The following TLR6 variants were observed in gnomAD, a reference collection of about 807,000 sequenced individuals.
The protein encoded by TLR6 is toll-like receptor 6.
TLR6 carries 9 observed loss-of-function variants against 16.1 expected under a neutral mutation model. That is an observed-to-expected ratio of 0.56 (90% CI 0.34 to 0.98). The LOEUF (loss-of-function observed/expected upper bound fraction) is 0.98, where lower values mean the gene tolerates loss of function less well. Ranked by LOEUF, TLR6 falls within the 50% of genes least tolerant of loss-of-function variation. The probability of loss-of-function intolerance (pLI) is 0.02; values close to 1 mark genes in which losing one functional copy is unlikely to be tolerated. For missense variants in TLR6, 786 were observed against 921.0 expected, an observed-to-expected ratio of 0.85 and a Z score of 1.90; for synonymous variants, 340 against 338.6, an observed-to-expected ratio of 1.00 and a Z score of -0.04.
At chr4:38,827,590 G>A (rs1316037835) in exon 2 of TLR6, 2 of 1,614,050 alleles carry the variant, frequency 1.2e-6, no homozygotes, top group Non-Finnish European at 1.7e-6. Context: ...GTATGTTCCT[G>A]GCCCTGCGCC....
chr4:38,834,894 T>C (rs978497840), intron 1 of TLR6, among the ~76,000 whole-genome samples: 1 of 151,974 alleles, frequency 6.6e-6, no homozygotes, highest in Non-Finnish European at 1.5e-5. Flanking sequence ...CTTAAGAGAG[T>C]AGAACGTCTG....
intron 1 of TLR6, among the ~76,000 whole-genome samples, chr4:38,852,451 G>A (rs1208404309): frequency 1.3e-5 from 2 of 152,130 alleles, no homozygotes; most frequent in East Asian, 3.8e-4. Context: ...GCAACCTACA[G>A]AATGGGAGAA....
upstream of TLR6, among the ~76,000 whole-genome samples, chr4:38,858,835 G>A (rs1713116452): frequency 9.8e-5 from 3 of 30,476 alleles, no homozygotes; most frequent in African/African-American, 2.5e-4. Context: ...GAGAGAGGAA[G>A]AAAGAAAGAA....
chr4:38,848,489 G>A (rs1304448075), intron 1 of TLR6, among the ~76,000 whole-genome samples: 3 of 152,232 alleles, frequency 2.0e-5, no homozygotes, highest in Non-Finnish European at 4.4e-5. Context: ...TCCAACTAAA[G>A]GAGGAAGTTC....
intron 1 of TLR6, among the ~76,000 whole-genome samples, chr4:38,852,009 A>T (rs1712792059): frequency 6.6e-6 from 1 of 152,216 alleles, no homozygotes; most frequent in Admixed American, 6.5e-5. Context: ...CCAAAACAGC[A>T]TGGTACTGGT....
chr4:38,834,873 T>C (rs923531151), intron 1 of TLR6, among the ~76,000 whole-genome samples: 2 of 152,206 alleles, frequency 1.3e-5, no homozygotes, highest in Non-Finnish European at 2.9e-5. Flanking sequence ...AGACGAGCCC[T>C]ACAAGAAATG....
chr4:38,835,854 A>G (rs1287967049), intron 1 of TLR6, among the ~76,000 whole-genome samples: 1 of 152,228 alleles, frequency 6.6e-6, no homozygotes, highest in African/African-American at 2.4e-5. Context: ...GAAATTAAAC[A>G]ACATGCTCCT....
chr4:38,855,835 T>C (rs762664235), intron 1 of TLR6, among the ~76,000 whole-genome samples: 3 of 150,298 alleles, frequency 2.0e-5, no homozygotes, highest in Non-Finnish European at 4.4e-5. Context: ...GAGTGGAAGA[T>C]TAGAGAGTTC....
At chr4:38,843,720 A>G (rs1712389559) in intron 1 of TLR6, 1 of 152,232 alleles carries the variant, frequency 6.6e-6, no homozygotes, top group East Asian at 1.9e-4. Context: ...TCACTGATCC[A>G]TATAACTTCT....
intron 1 of TLR6, among the ~76,000 whole-genome samples, chr4:38,833,944 A>G (rs2109425705): frequency 6.6e-6 from 1 of 152,146 alleles, no homozygotes; most frequent in African/African-American, 2.4e-5. Context: ...ACAATAGACT[A>G]GGCCAGGTGC....
intron 1 of TLR6, among the ~76,000 whole-genome samples, chr4:38,840,095 G>A (rs963798365): frequency 2.0e-4 from 31 of 152,180 alleles, no homozygotes; most frequent in African/African-American, 7.5e-4. Flanking sequence ...ATTTCAAGGT[G>A]TTACCAATAA....
intron 1 of TLR6, among the ~76,000 whole-genome samples, chr4:38,840,448 A>G (rs1434421457): frequency 3.9e-5 from 6 of 151,990 alleles, no homozygotes; most frequent in South Asian, 2.1e-4. Context: ...CCTGGCCAAT[A>G]TGGTGAAACC....
exon 2 of TLR6, chr4:38,828,458 G>A (rs1048256230): frequency 6.2e-7 from 1 of 1,614,174 alleles, no homozygotes; most frequent in African/African-American, 1.3e-5. Context: ...AGGTGTATCT[G>A]AAATGGTTAA....
intron 1 of TLR6, among the ~76,000 whole-genome samples, chr4:38,833,062 G>T (rs1711704370): frequency 6.6e-6 from 1 of 152,106 alleles, no homozygotes; most frequent in Admixed American, 6.5e-5. Context: ...TGCCACACGG[G>T]GTCCTGAGGA....
chr4:38,839,947 G>T (rs1229534009), intron 1 of TLR6, among the ~76,000 whole-genome samples: 1 of 152,192 alleles, frequency 6.6e-6, no homozygotes, highest in Admixed American at 6.5e-5. Flanking sequence ...AATCCCGAAA[G>T]ACACAATCCT....
rs751855039 is a variant in TLR6 at position 38,828,657 on chromosome 4, G to C, written c.817C>G (p.Leu273Val). 5 of 1,614,034 alleles carry C rather than the reference G, an allele frequency of 3.1e-6. No individual in the cohort carries two copies. Among genetic ancestry groups the C allele is most frequent in the African/African-American group, 1.3e-5 (1 of 74,944 alleles). Residue 273 changes from leucine (L) to valine (V), a missense_variant, in exon 2 of 2, where the codon CTT becomes GTT. Leu to Val is a conservative substitution (Grantham distance 32). Transcript: ENST00000436693. ...AGATATTCCACAGGTTTGGGCCAAA[G>C]AAATTGAAAGACTCTGACCAGGCAT...
chr4:38,858,772 A>AGG (rs1277625212), upstream of TLR6, among the ~76,000 whole-genome samples: 736 of 60,532 alleles, frequency 0.012, 21 homozygotes, highest in East Asian at 0.069. Context: ...AGAGAGAGAG[A>AGG]GAGGGAGAGA....
chr4:38,865,371 G>A, the TLR6 span, among the ~76,000 whole-genome samples: 3 of 152,170 alleles, frequency 2.0e-5, no homozygotes, highest in African/African-American at 7.2e-5. Context: ...GAGTAAAAGG[G>A]ACAAATTTGC....
At chr4:38,825,345 G>A (rs5743833) in exon 2 of TLR6, 3,416 of 152,232 alleles carry the variant, frequency 0.022, 131 homozygotes, top group African/African-American at 0.075. Flanking sequence ...GGCCTTCCTT[G>A]CAGTGAAATG....
Sources: gnomAD v4.1 joint callset for allele counts (sites outside exome capture counted in the v4.1 genomes callset) on GRCh38, gnomAD v4.1.1 for gene constraint, MANE v1.5 for transcripts, NCBI Gene and HGNC (gene_info 2026-07-23, HGNC 2026-07-21) for gene names.